The following PRKCQ variants were observed in gnomAD, a reference collection of about 807,000 sequenced individuals.
PRKCQ encodes protein kinase C theta.
A neutral mutation model predicts 91.2 loss-of-function variants in PRKCQ; 41 were observed. The ratio of observed to expected loss-of-function variants is 0.45; its 90% confidence interval spans 0.35 to 0.58. The LOEUF is 0.58. PRKCQ is among the 20% of genes least tolerant of loss of function. PRKCQ has a pLI of 0.00. For synonymous variants in PRKCQ, 307 were observed against 316.9 expected (o/e 0.97, Z 0.33); for missense variants, 673 against 896.5 (o/e 0.75, Z 3.18).
chr10:6,485,066 C>A (rs1321293173), intron 10 of PRKCQ, 86 bp downstream of exon 10: 8 of 1,194,262 alleles, frequency 6.7e-6, no homozygotes, highest in Non-Finnish European at 8.6e-6. Flanking sequence ...ACCAGGTAAG[C>A]TGATAACTTA....
intron 8 of PRKCQ, among the ~76,000 whole-genome samples, chr10:6,486,772 G>C (rs759594458): frequency 6.6e-6 from 1 of 152,224 alleles, no homozygotes; most frequent in African/African-American, 2.4e-5. Context: ...CTCCAGTCTG[G>C]GTCCAAAACA....
chr10:6,496,120 G>A (rs790816), intron 7 of PRKCQ, among the ~76,000 whole-genome samples: 41,292 of 150,760 alleles, frequency 0.27, 6,990 homozygotes, highest in South Asian at 0.45. Context: ...GGAGGCTGAG[G>A]CAGGAGAATC....
At chr10:6,514,941 G>A (rs905569651) in intron 2 of PRKCQ, 77 bp downstream of exon 2, 1 of 1,598,768 alleles carries the variant, frequency 6.3e-7, no homozygotes. Flanking sequence ...AAATGTCCTG[G>A]AAGACCTTGC....
intron 15 of PRKCQ, among the ~76,000 whole-genome samples, chr10:6,449,335 G>A (rs1834517705): frequency 6.6e-6 from 1 of 152,060 alleles, no homozygotes; most frequent in Non-Finnish European, 1.5e-5. Context: ...GAGTATCAGT[G>A]ATGGAAGATG....
chr10:6,493,457 A>G (rs1395474896), intron 7 of PRKCQ, among the ~76,000 whole-genome samples: 1 of 152,190 alleles, frequency 6.6e-6, no homozygotes, highest in African/African-American at 2.4e-5. Context: ...ATTTATTTCT[A>G]TCGGACAATA....
chr10:6,425,225 ATTTTTTTT>A (rs34277466), downstream of PRKCQ, among the ~76,000 whole-genome samples: 1 of 137,692 alleles, frequency 7.3e-6, no homozygotes, highest in Non-Finnish European at 1.6e-5. Context: ...TCTCTCCTCT[ATTTTTTTT>A]TTTTTTTTTG....
chr10:6,460,187 T>C (rs1397117519), intron 14 of PRKCQ, among the ~76,000 whole-genome samples: 2 of 152,212 alleles, frequency 1.3e-5, no homozygotes, highest in Admixed American at 6.5e-5. Flanking sequence ...TTTTTTTTCT[T>C]GTTGGTGCCT....
intron 12 of PRKCQ, among the ~76,000 whole-genome samples, chr10:6,476,408 C>A (rs753030368): frequency 1.3e-4 from 20 of 151,236 alleles, no homozygotes; most frequent in African/African-American, 4.9e-4. Flanking sequence ...TAGTAACATA[C>A]ACAGAAAGAT....
chr10:6,440,753 C>A (rs1033436850), intron 16 of PRKCQ, among the ~76,000 whole-genome samples: 2 of 152,122 alleles, frequency 1.3e-5, no homozygotes, highest in Non-Finnish European at 1.5e-5. Flanking sequence ...CTTTGGGAGG[C>A]CGAGGCGGGC....
At position 6,486,137 on chromosome 10, in the gene PRKCQ, G is replaced by T; in HGVS notation, c.798C>A (p.Gly266=). The change falls in exon 9 of 18, where the codon GGC becomes GGA. Residue 266 remains glycine, a synonymous_variant. Coordinates refer to ENST00000263125, the MANE Select transcript of PRKCQ (RefSeq NM_006257.5). ...TCTGGCATCTATGATGCACATTCAT[G>T]CCACATGCTGGAAGGAAGAAGGCAG... ...ARQGLKCDAC[G]MNVHHRCQTK... 1 of 1,613,834 alleles carries T rather than the reference G, an allele frequency of 6.2e-7. No homozygotes were observed. The highest frequency in any genetic ancestry group is 8.5e-7 in the Non-Finnish European group (1 of 1,179,774).
chr10:6,543,809 TC>T (rs1839857380), intron 1 of PRKCQ, among the ~76,000 whole-genome samples: 1 of 152,172 alleles, frequency 6.6e-6, no homozygotes, highest in Non-Finnish European at 1.5e-5. Context: ...TCCACAAATG[TC>T]CTGCCACTCC....
At chr10:6,467,980 G>T (rs140205013) in intron 12 of PRKCQ, among the ~76,000 whole-genome samples, 114 of 152,296 alleles carry the variant, frequency 7.5e-4, no homozygotes, top group African/African-American at 2.7e-3. Flanking sequence ...GCTGAGGCTG[G>T]AGGTTCACTT....
chr10:6,518,711 C>T (rs1838876291), intron 1 of PRKCQ, among the ~76,000 whole-genome samples: 1 of 152,072 alleles, frequency 6.6e-6, no homozygotes, highest in African/African-American at 2.4e-5. Flanking sequence ...ATCCCAGCGA[C>T]TCTGGAGGCT....
intron 1 of PRKCQ, among the ~76,000 whole-genome samples, chr10:6,530,153 A>T (rs894583253): frequency 2.0e-5 from 3 of 152,084 alleles, no homozygotes; most frequent in Admixed American, 1.3e-4. Context: ...TATGGGGCAA[A>T]CCTCTCCTTC....
At chr10:6,397,653 G>A in the PRKCQ span, among the ~76,000 whole-genome samples, 4 of 152,192 alleles carry the variant, frequency 2.6e-5, no homozygotes, top group South Asian at 2.1e-4. Flanking sequence ...GGCTGGGTGC[G>A]GTGGCTCATG....
In PRKCQ at chr10:6,548,838, C is replaced by G. The variant is rs190254428; in HGVS notation, c.-10+31373G>C. Among the ~76,000 whole-genome samples the G allele has an allele frequency of 2.4e-3, 364 of 151,946 alleles. 3 individuals are homozygous for G. The highest frequency in any genetic ancestry group is 8.4e-3 in the African/African-American group (349 of 41,434). ...ACATGGCACACGTATACATATGTAA[C>G]AAACTGCACATGGTGCACATGTACC... is the stretch of plus-strand genomic sequence containing the variant. On this transcript the variant is annotated intron_variant, in intron 1 of 17. Transcript: ENST00000263125.
intron 1 of PRKCQ, among the ~76,000 whole-genome samples, chr10:6,530,078 T>G (rs1839337383): frequency 6.6e-6 from 1 of 152,192 alleles, no homozygotes. Flanking sequence ...CCTACTATAT[T>G]GCAAAGCACT....
In PRKCQ at chr10:6,467,397, G is replaced by C. The variant is rs866033873; in HGVS notation, c.1354-2993C>G. ...AGACAGAGAGAGACAGACAGAGAGAGAGAGAGAGAGAGAGAGAGAGAGAGA... is the reference window on the plus strand; with the variant it reads ...AGACAGAGAGAGACAGACAGAGAGACAGAGAGAGAGAGAGAGAGAGAGAGA... On this transcript the variant is annotated intron_variant, in intron 12 of 17. Transcript: ENST00000263125. 5.0e-3 allele frequency among the ~76,000 whole-genome samples: 380 copies of C among 76,222 alleles called. 4 individuals carry two copies. The highest frequency in any genetic ancestry group is 9.7e-3 in the African/African-American group (221 of 22,754). 50.0% of individuals were successfully genotyped at this position (76,222 alleles called of 152,430 possible).
At chr10:6,573,331 C>T (rs1316473778) in intron 1 of PRKCQ, among the ~76,000 whole-genome samples, 1 of 152,290 alleles carries the variant, frequency 6.6e-6, no homozygotes, top group African/African-American at 2.4e-5. Flanking sequence ...TCTCTCAAAA[C>T]GACAAGAACA....
Sources: gnomAD v4.1 joint callset for allele counts (sites outside exome capture counted in the v4.1 genomes callset) on GRCh38, gnomAD v4.1.1 for gene constraint, MANE v1.5 for transcripts, NCBI Gene and HGNC (gene_info 2026-07-23, HGNC 2026-07-21) for gene names.